The following WDFY4 variants were observed in gnomAD, a reference collection of about 807,000 sequenced individuals.
WDFY4 encodes the protein WD repeat- and FYVE domain-containing protein 4.
WDFY4 carries 169 observed loss-of-function variants against 351.9 expected under a neutral mutation model. The observed-to-expected ratio is 0.48, with a 90% confidence interval of 0.42 to 0.55. The LOEUF is 0.55. Among genes scored for constraint, WDFY4 ranks in the 20% least tolerant of loss-of-function variants. The pLI is 0.00. For synonymous variants in WDFY4, 1,622 were observed against 1,574.6 expected (o/e 1.03, Z -0.71); for missense variants, 3,803 against 3,935.6 (o/e 0.97, Z 0.90).
intron 51 of WDFY4, among the ~76,000 whole-genome samples, chr10:48,949,939 T>G (rs1841239769): frequency 6.6e-6 from 1 of 152,102 alleles, no homozygotes. Flanking sequence ...CCGTAACAGC[T>G]CCAATCTCTG....
chr10:48,791,041 G>GA (rs2066660834), intron 23 of WDFY4, 124 bp downstream of exon 23: 1 of 1,244,564 alleles, frequency 8.0e-7, no homozygotes, highest in African/African-American at 1.5e-5. Context: ...AAGGGCAGCC[G>GA]AAAGCCCTTG....
At chr10:48,803,497 C>A in intron 25 of WDFY4, 138 bp downstream of exon 25, 1 of 839,178 alleles carries the variant, frequency 1.2e-6, no homozygotes, top group Non-Finnish European at 1.9e-6. Flanking sequence ...TTCCCAGTGG[C>A]TCATGCTTGT....
At chr10:48,712,290 A>G (rs2063787318) in intron 2 of WDFY4, among the ~76,000 whole-genome samples, 1 of 152,224 alleles carries the variant, frequency 6.6e-6, no homozygotes, top group Admixed American at 6.5e-5. Context: ...CAATGATTAT[A>G]AAGTCCACAG....
At position 48,936,657 on chromosome 10, in the gene WDFY4, G is replaced by A. The variant is rs574665971; in HGVS notation, c.7587-5149G>A. Among the ~76,000 whole-genome samples the A allele has an allele frequency of 4.0e-5, 6 of 151,878 alleles. 1 individual carries two copies. Among genetic ancestry groups the A allele is most frequent in the African/African-American group, 1.4e-4 (6 of 41,442 alleles). ...TCGAGACCATCCCGGCTAACACAGTGAAACCCCGTCTCTACTAAAAATACA... is the reference window on the plus strand; with the variant it reads ...TCGAGACCATCCCGGCTAACACAGTAAAACCCCGTCTCTACTAAAAATACA... On this transcript the variant is annotated intron_variant, in intron 47 of 61. Transcript: ENST00000325239.
chr10:48,687,603 A>G lies in WDFY4; in HGVS notation c.-18+2602A>G, dbSNP rs532275838. ...AGAGTCTTGGCACCATTTATTTAATAGGCCATTCTTTTTTTTTTTTTTTTT... is the reference window on the plus strand; with the variant it reads ...AGAGTCTTGGCACCATTTATTTAATGGGCCATTCTTTTTTTTTTTTTTTTT... On this transcript the variant is annotated intron_variant, in intron 1 of 61. Coordinates refer to ENST00000325239, the MANE Select transcript of WDFY4 (RefSeq NM_001394531.1). Among the ~76,000 whole-genome samples the G allele has an allele frequency of 3.6e-5, 5 of 140,842 alleles. No homozygotes were observed. In the East Asian group the frequency reaches 1.0e-3, roughly 28 times the overall value. 92.4% of individuals were successfully genotyped at this position (140,842 alleles called of 152,430 possible).
chr10:48,891,029 C>G (rs916202237), intron 44 of WDFY4, among the ~76,000 whole-genome samples: 2 of 152,220 alleles, frequency 1.3e-5, no homozygotes, highest in African/African-American at 4.8e-5. Flanking sequence ...TCGCCGTCAA[C>G]TTACTCACTC....
chr10:48,787,839 C>A (rs1229381649), intron 20 of WDFY4, among the ~76,000 whole-genome samples: 2 of 140,464 alleles, frequency 1.4e-5, no homozygotes, highest in African/African-American at 6.2e-5. Context: ...TCTTCTTCTT[C>A]TTCTTCTTCT....
chr10:48,741,205 G>A (rs2064839067), intron 11 of WDFY4, among the ~76,000 whole-genome samples: 2 of 152,028 alleles, frequency 1.3e-5, no homozygotes, highest in Non-Finnish European at 1.5e-5. Flanking sequence ...CTGACTACTC[G>A]CCCAGCAGCT....
chr10:48,934,769 G>C (rs889543522), intron 47 of WDFY4, among the ~76,000 whole-genome samples: 2 of 152,186 alleles, frequency 1.3e-5, no homozygotes, highest in Non-Finnish European at 2.9e-5. Context: ...AGGGGTGACT[G>C]GTCGGGTGAA....
Position 48,829,666 on chromosome 10 carries a change from A to G in WDFY4, c.6340+770A>G, listed in dbSNP as rs187927293. On this transcript the variant is annotated intron_variant, in intron 37 of 61. Coordinates refer to ENST00000325239, the MANE Select transcript of WDFY4 (RefSeq NM_001394531.1). ...GGAGTTCAAGACCAGCCTGCCCAAC[A>G]TGCTGAAAGCCTGTCACTACTAAAA... 7.7e-4 allele frequency among the ~76,000 whole-genome samples: 118 copies of G among 152,292 alleles called. 3 individuals carry two copies. The East Asian group carries it at 0.021, about 27-fold the overall frequency.
chr10:48,760,244 T>C lies in WDFY4; in HGVS notation c.2460-103T>C, dbSNP rs569028238. On this transcript the variant is annotated intron_variant, in intron 12 of 61. Transcript: ENST00000325239. The stretch of plus-strand genomic sequence containing the variant: ...GTCATCTAGGTAATAAGACAGGATG[T>C]GTACCATGATCTGTCTTAGAAAGAA... 81 of 1,021,794 alleles carry C rather than the reference T, an allele frequency of 7.9e-5. No homozygotes were observed. In the South Asian group the frequency reaches 1.2e-3, roughly 15 times the overall value. 63.3% of individuals were successfully genotyped at this position (1,021,794 alleles called of 1,614,324 possible). A position where few individuals can be genotyped will look rare whatever the true frequency, so the allele number is the denominator to read the frequency against.
intron 8 of WDFY4, among the ~76,000 whole-genome samples, chr10:48,730,179 T>C (rs2064411270): frequency 6.6e-6 from 1 of 152,030 alleles, no homozygotes; most frequent in South Asian, 2.1e-4. Context: ...TAAGGCTAAG[T>C]GTGGGTTGTC....
chr10:48,854,984 G>T (rs2069087446), intron 39 of WDFY4, among the ~76,000 whole-genome samples: 1 of 152,078 alleles, frequency 6.6e-6, no homozygotes, highest in Non-Finnish European at 1.5e-5. Context: ...CACTTGTAAT[G>T]CTCATAATGA....
chr10:48,738,536 G>A (rs1321103095), intron 11 of WDFY4, among the ~76,000 whole-genome samples: 1 of 152,142 alleles, frequency 6.6e-6, no homozygotes, highest in Non-Finnish European at 1.5e-5. Context: ...GTTTTCCAAG[G>A]GCTAGGGCTG....
At chr10:48,767,718 A>T (rs2065716819) in intron 13 of WDFY4, among the ~76,000 whole-genome samples, 1 of 152,210 alleles carries the variant, frequency 6.6e-6, no homozygotes, top group South Asian at 2.1e-4. Flanking sequence ...CCATGTCTGA[A>T]TGCATGTCTA....
chr10:48,978,349 GGCC>G lies in WDFY4; in HGVS notation c.9333_9335del (p.Pro3112del), dbSNP rs1842665196. ...GATGTGAAGATGTCTGTTCCTGGACGGCCAGCAGGAGAGGAGCCCCCGGCTCAG... is the reference window on the plus strand; with the variant it reads ...GATGTGAAGATGTCTGTTCCTGGACGAGCAGGAGAGGAGCCCCCGGCTCAG... On this transcript the variant is annotated inframe_deletion, in exon 60 of 62. Transcript: ENST00000325239. 1 of 1,551,264 alleles carries G rather than the reference GGCC, an allele frequency of 6.4e-7. No individual in the cohort carries two copies. Among genetic ancestry groups the G allele is most frequent in the African/African-American group, 1.4e-5 (1 of 73,018 alleles).
rs1589590279 is a variant in WDFY4, at chr10:48,780,137, A to G, written c.3576+18A>G. The G allele has an allele frequency of 1.2e-5, 19 of 1,551,470 alleles. No homozygotes were observed. Among genetic ancestry groups the G allele is most frequent in the Non-Finnish European group, 1.6e-5 (18 of 1,146,662 alleles). ...CTGCCAAGGTGAGATGGCTCCTCCA[A>G]GCTGCACTTGCCCCACAACCATACC... On this transcript the variant is annotated intron_variant, in intron 19 of 61. Coordinates refer to ENST00000325239, the MANE Select transcript of WDFY4 (RefSeq NM_001394531.1).
At position 48,813,980 on chromosome 10, in the gene WDFY4, G is replaced by T; in HGVS notation, c.5238G>T (p.Gln1746His). The T allele has an allele frequency of 6.5e-7, 1 of 1,549,274 alleles. No individual in the cohort carries two copies. The highest frequency in any genetic ancestry group is 1.7e-4 in the Middle Eastern group (1 of 5,978). Residue 1746 changes from glutamine (Q) to histidine (H), a missense_variant, in exon 31 of 62, where the codon CAG (glutamine) becomes CAT (histidine). This residue lies in a region of WDFY4 where 3,054 missense variants were observed against 3,148.6 expected (regional missense o/e 0.97). Transcript: ENST00000325239. ...AGGACAGCCTTGATGCCATGCTTCA[G>T]TGGCTCCTGCAGAGGCACCACCAGG... is the stretch of plus-strand genomic sequence containing the variant. The part of the protein sequence containing the change: ...GPKDSLDAML[Q>H]WLLQRHHQEE...
At chr10:48,777,676 G>A (rs2066079371) in intron 17 of WDFY4, among the ~76,000 whole-genome samples, 181 bp downstream of exon 17, 2 of 152,216 alleles carry the variant, frequency 1.3e-5, no homozygotes, top group Admixed American at 1.3e-4. Flanking sequence ...TTTGAGGCCA[G>A]GAGTTCCAGG....
Sources: gnomAD v4.1 joint callset for allele counts (sites outside exome capture counted in the v4.1 genomes callset) on GRCh38, gnomAD v4.1.1 for gene constraint, gnomAD v4.1.1 regional missense constraint, MANE v1.5 for transcripts, NCBI Gene and HGNC (gene_info 2026-07-23, HGNC 2026-07-21) for gene names.